Variants in RCC1L observed in about 807,000 individuals in gnomAD.
The protein encoded by RCC1L is RCC1 like.
RCC1L carries 46 observed loss-of-function variants against 58.6 expected under a neutral mutation model. The observed-to-expected ratio is 0.79, with a 90% confidence interval of 0.62 to 1.00. RCC1L has a LOEUF of 1.00. RCC1L is among the 50% of genes least tolerant of loss of function. The pLI is 0.00. For missense variants in RCC1L, 636 were observed against 623.6 expected (o/e 1.02, Z -0.21); for synonymous variants, 281 against 262.9 (o/e 1.07, Z -0.67).
chr7:75,058,577 C>T lies in RCC1L; in HGVS notation c.969+11G>A, dbSNP rs887284663. The stretch of plus-strand genomic sequence containing the variant: ...AAACCTCCCAGCACCACGCTGTCGG[C>T]GACTGCATACCTGTGTGGAGTCAGT... On this transcript the variant is annotated intron_variant, in intron 7 of 10. Transcript: ENST00000610322. The T allele has an allele frequency of 7.0e-5, 111 of 1,589,408 alleles. No homozygotes were observed. The highest frequency in any genetic ancestry group is 8.7e-5 in the Non-Finnish European group (101 of 1,166,724).
chr7:75,054,100 AC>A (rs1342151412), intron 9 of RCC1L, among the ~76,000 whole-genome samples: 1 of 152,070 alleles, frequency 6.6e-6, no homozygotes, highest in Non-Finnish European at 1.5e-5. Context: ...AAGGGATCTC[AC>A]TATGTTGCCT....
rs2115581000 is a variant in RCC1L, at chr7:75,073,715, G to A, written c.23C>T (p.Ala8Val). The A allele has an allele frequency of 2.7e-6, 4 of 1,502,352 alleles. No individual in the cohort carries two copies. Among genetic ancestry groups the A allele is most frequent in the East Asian group, 5.3e-5 (2 of 37,720 alleles). 93.1% of individuals were successfully genotyped at this position (1,502,352 alleles called of 1,614,324 possible). A position where few individuals can be genotyped will look rare whatever the true frequency, so the allele number is the denominator to read the frequency against. ...CAGCCGCCGCCCCAGCCGAGCCCCA[G>A]CCACCAACGCCACCAGCGCCATCCT... MALVALV[A>V]GARLGRRLSG... Residue 8 changes from alanine to valine, a missense_variant, in exon 1 of 11, where the codon GCT becomes GTT. Transcript: ENST00000610322.
chr7:75,039,827 G>C (rs938426519), downstream of RCC1L, among the ~76,000 whole-genome samples: 3 of 152,118 alleles, frequency 2.0e-5, no homozygotes, highest in Admixed American at 1.3e-4. Context: ...GAGAGGAGAC[G>C]GGAGCTTGCA....
At chr7:75,028,284 C>CT (rs1472053033) in intron 10 of RCC1L, among the ~76,000 whole-genome samples, 3 of 152,056 alleles carry the variant, frequency 2.0e-5, no homozygotes, top group African/African-American at 7.2e-5. Context: ...CCACACGCGG[C>CT]TAATTTTTGT....
intron 10 of RCC1L, among the ~76,000 whole-genome samples, chr7:75,043,646 G>GTGAGGTC (rs1805631727): frequency 6.6e-6 from 1 of 152,130 alleles, no homozygotes; most frequent in Non-Finnish European, 1.5e-5. Context: ...GGCGGATCAC[G>GTGAGGTC]TGAGGTCAGA....
At chr7:75,064,817 G>C in intron 3 of RCC1L, 169 bp from the exon 4 acceptor site, 1 of 727,524 alleles carries the variant, frequency 1.4e-6, no homozygotes, top group Non-Finnish European at 2.5e-6. Context: ...AAACTCACAA[G>C]GGGCATGGGG....
chr7:75,030,393 C>T (rs953634622), intron 10 of RCC1L, among the ~76,000 whole-genome samples: 6 of 152,196 alleles, frequency 3.9e-5, no homozygotes, highest in Admixed American at 3.3e-4. Context: ...GGGCAGGACT[C>T]GAATGCAGAC....
chr7:75,056,657 G>C, intron 8 of RCC1L: 7 of 1,535,404 alleles, frequency 4.6e-6, no homozygotes, highest in Non-Finnish European at 6.1e-6. Flanking sequence ...CTAAGGGAGG[G>C]GAATGAAGTA....
chr7:75,065,558 T>TA (rs55907118), intron 3 of RCC1L, among the ~76,000 whole-genome samples: 13 of 150,610 alleles, frequency 8.6e-5, no homozygotes, highest in African/African-American at 2.5e-4. Context: ...CCGTCTCAGA[T>TA]AAAAAAAAAG....
intron 6 of RCC1L, among the ~76,000 whole-genome samples, chr7:75,060,354 C>G (rs1037516884): frequency 1.3e-5 from 2 of 152,232 alleles, no homozygotes; most frequent in African/African-American, 4.8e-5. Context: ...GGCTGCTGGC[C>G]AGGGGTTACC....
chr7:75,032,412 G>A (rs1805327654), intron 10 of RCC1L, among the ~76,000 whole-genome samples: 1 of 152,224 alleles, frequency 6.6e-6, no homozygotes, highest in South Asian at 2.1e-4. Flanking sequence ...CAGGAAAGAG[G>A]AGCACCGTGC....
chr7:75,060,041 C>A (rs1554444367), intron 6 of RCC1L, among the ~76,000 whole-genome samples: 35,702 of 152,020 alleles, frequency 0.23, 5,775 homozygotes, highest in African/African-American at 0.46. Context: ...GGATTACAGG[C>A]ATGAGCCACC....
chr7:75,042,321 A>C lies in RCC1L; in HGVS notation c.*711T>G. 6.1e-6 allele frequency: 6 copies of C among 985,514 alleles called. No individual in the cohort carries two copies. Among genetic ancestry groups the C allele is most frequent in the Non-Finnish European group, 7.2e-6 (6 of 829,970 alleles). The allele number at this position is 985,514 out of a possible 1,614,324, so 61.0% of individuals were successfully genotyped here. A position where few individuals can be genotyped will look rare whatever the true frequency, so the allele number is the denominator to read the frequency against. Reference sequence around the variant, plus strand: ...ATCTTCCTCCTCCGCCTGGCACTGCAGCTGAGCCTTGGCGGATATGCTCGG... The same window carrying C: ...ATCTTCCTCCTCCGCCTGGCACTGCCGCTGAGCCTTGGCGGATATGCTCGG... On this transcript the variant is annotated 3_prime_UTR_variant, in exon 11 of 11. Coordinates refer to ENST00000610322, the MANE Select transcript of RCC1L (RefSeq NM_030798.5).
chr7:75,052,779 C>G lies in RCC1L; in HGVS notation c.1249G>C (p.Val417Leu). ...AALTNKGELF[V>L]WGKNIRGCLG... is the part of the protein sequence containing the mutation. Reference sequence around the variant, plus strand: ...CACCCTCGGATGTTCTTGCCCCATACAAACAGCTCTCCTTTGTCTGCAAAG... The same window carrying G: ...CACCCTCGGATGTTCTTGCCCCATAGAAACAGCTCTCCTTTGTCTGCAAAG... Residue 417 changes from valine (V) to leucine (L), a missense_variant, in exon 10 of 11, where the codon GTA (valine) becomes CTA (leucine). By Grantham distance (32) the Val-to-Leu change is conservative. Coordinates refer to ENST00000610322, the MANE Select transcript of RCC1L (RefSeq NM_030798.5). 2 of 1,613,236 alleles carry G rather than the reference C, an allele frequency of 1.2e-6. No homozygotes were observed. The highest frequency in any genetic ancestry group is 8.5e-7 in the Non-Finnish European group (1 of 1,179,686).
At chr7:75,043,169 C>T in intron 10 of RCC1L, 60 bp from the exon 11 acceptor site, 2 of 1,599,412 alleles carry the variant, frequency 1.3e-6, no homozygotes, top group Non-Finnish European at 8.6e-7. Flanking sequence ...GAGACAGGCG[C>T]TGGTGTTGGC....
chr7:75,041,906 C>A (rs1027820266), downstream of RCC1L, among the ~76,000 whole-genome samples: 195 of 150,346 alleles, frequency 1.3e-3, no homozygotes, highest in Non-Finnish European at 2.3e-3. Flanking sequence ...AAATATTTGT[C>A]GAGTAGGACT....
intron 10 of RCC1L, among the ~76,000 whole-genome samples, chr7:75,049,171 A>T (rs1440840978): frequency 1.3e-5 from 2 of 152,134 alleles, no homozygotes; most frequent in Non-Finnish European, 2.9e-5. Flanking sequence ...GATGTAATAT[A>T]TCCCCTACGG....
chr7:75,035,793 G>A (rs1805419778), intron 10 of RCC1L, among the ~76,000 whole-genome samples: 1 of 151,928 alleles, frequency 6.6e-6, no homozygotes, highest in Admixed American at 6.6e-5. Flanking sequence ...TTTGAGCCCA[G>A]GAGTTCAATA....
chr7:75,056,626 C>CT, intron 8 of RCC1L: 1 of 1,535,276 alleles, frequency 6.5e-7, no homozygotes, highest in South Asian at 1.2e-5. Flanking sequence ...GAAGGCAGAG[C>CT]TGGAGTCTCT....
Sources: allele counts gnomAD v4.1 joint callset (sites outside exome capture counted in the v4.1 genomes callset), GRCh38; gene constraint gnomAD v4.1.1; transcripts MANE v1.5; gene names NCBI Gene and HGNC (gene_info 2026-07-23, HGNC 2026-07-21).